The following DNAH9 variants were observed in gnomAD, a reference collection of about 807,000 sequenced individuals.
DNAH9 encodes the protein DNAH9 variant protein.
DNAH9 carries 345 observed loss-of-function variants against 471.6 expected under a neutral mutation model. The ratio of observed to expected loss-of-function variants is 0.73; its 90% CI spans 0.67 to 0.80. The LOEUF is 0.80. Among genes scored for constraint, DNAH9 ranks in the 30% least tolerant of loss-of-function variants. DNAH9 has a pLI of 0.00. For synonymous variants in DNAH9, 2,093 were observed against 2,123.6 expected (o/e 0.99, Z 0.40); for missense variants, 5,407 against 5,609.2 (o/e 0.96, Z 1.15).
chr17:11,915,318 G>A (rs890556390), intron 61 of DNAH9, among the ~76,000 whole-genome samples: 1 of 152,132 alleles, frequency 6.6e-6, no homozygotes, highest in African/African-American at 2.4e-5. Flanking sequence ...AAGGTCAAGA[G>A]ATCGATACCA....
At chr17:11,951,337 G>A (rs1351329089) in intron 67 of DNAH9, among the ~76,000 whole-genome samples, 1 of 152,180 alleles carries the variant, frequency 6.6e-6, no homozygotes, top group Admixed American at 6.5e-5. Context: ...TGGCAAGCAA[G>A]TAGTGCTATT....
rs536475506 is a variant in DNAH9, at chr17:11,689,433, G to GT, written c.3744-128dup. 47 of 744,078 alleles carry GT rather than the reference G, an allele frequency of 6.3e-5. No homozygotes were observed. In the African/African-American group the frequency reaches 7.2e-4, roughly 11 times the overall value. 46.1% of individuals were successfully genotyped at this position (744,078 alleles called of 1,614,324 possible). On this transcript the variant is annotated intron_variant, in intron 19 of 68. Transcript: ENST00000262442. ...CATTATTTGCTTTCGTGAAAAGAATGTTTTTGGTGAAAGCCACTGCTCTTT... is the reference window on the plus strand; with the variant it reads ...CATTATTTGCTTTCGTGAAAAGAATGTTTTTTGGTGAAAGCCACTGCTCTTT...
At chr17:11,611,572 G>A (rs2072637581) in intron 3 of DNAH9, 78 bp from the exon 4 acceptor site, 2 of 1,428,570 alleles carry the variant, frequency 1.4e-6, no homozygotes, top group Non-Finnish European at 9.7e-7. Flanking sequence ...CTCTCTTTCT[G>A]TGTGACGATG....
intron 4 of DNAH9, among the ~76,000 whole-genome samples, chr17:11,613,458 A>G (rs201296561): frequency 6.6e-6 from 1 of 152,152 alleles, no homozygotes; most frequent in Admixed American, 6.5e-5. Context: ...CATCTCTACT[A>G]AAAATACAAA....
At chr17:11,891,998 A>G (rs1302265606) in intron 58 of DNAH9, 51 bp downstream of exon 58, 1 of 1,594,748 alleles carries the variant, frequency 6.3e-7, no homozygotes, top group East Asian at 2.2e-5. Flanking sequence ...TTTAGTGCCC[A>G]GACAGCAGGT....
intron 12 of DNAH9, among the ~76,000 whole-genome samples, chr17:11,648,689 GA>G (rs1209022784): frequency 6.6e-6 from 1 of 151,674 alleles, no homozygotes; most frequent in Admixed American, 6.6e-5. Flanking sequence ...GAGGAAAGAA[GA>G]AAAAGGGGGG....
At chr17:11,908,602 T>C (rs1973685042) in intron 61 of DNAH9, among the ~76,000 whole-genome samples, 1 of 152,220 alleles carries the variant, frequency 6.6e-6, no homozygotes, top group African/African-American at 2.4e-5. Context: ...CAGTCGATAT[T>C]GCAAACCATA....
intron 12 of DNAH9, among the ~76,000 whole-genome samples, chr17:11,650,216 T>A (rs1175370946): frequency 6.6e-6 from 1 of 152,134 alleles, no homozygotes; most frequent in Non-Finnish European, 1.5e-5. Flanking sequence ...CCCAGAGTAC[T>A]GGAAGGAGAG....
In DNAH9 at chr17:11,598,636, C is replaced by G. The variant is rs2072311397; in HGVS notation, c.138C>G (p.Cys46Trp). Residue 46 changes from cysteine to tryptophan, a missense_variant, in exon 1 of 69, where the codon TGC becomes TGG. Physicochemically the swap from Cys to Trp is radical, Grantham distance 215 (BLOSUM62 -2). This residue lies in a region of DNAH9 where 767 missense variants were observed against 692.5 expected (regional missense o/e 1.11). Transcript: ENST00000262442. The stretch of plus-strand genomic sequence containing the variant: ...CGGCTGCGGGCGCCTGGGAGCGTTG[C>G]GCGGGGAGTGCTGAGGCGGAGCAGC... ...LRPAAGAWERCAGSAEAEQLL... is the reference protein window; with the variant it reads ...LRPAAGAWERWAGSAEAEQLL... 1 of 1,343,744 alleles carries G rather than the reference C, an allele frequency of 7.4e-7. No individual in the cohort carries two copies. The highest frequency in any genetic ancestry group is 1.5e-5 in the African/African-American group (1 of 65,080). The allele number at this position is 1,343,744 out of a possible 1,614,324, so 83.2% of individuals were successfully genotyped here. A position where few individuals can be genotyped will look rare whatever the true frequency, so the allele number is the denominator to read the frequency against.
At chr17:11,672,613 C>T (rs1221862140) in intron 17 of DNAH9, among the ~76,000 whole-genome samples, 3 of 152,166 alleles carry the variant, frequency 2.0e-5, no homozygotes, top group African/African-American at 7.2e-5. Flanking sequence ...CAGATCTTAG[C>T]GTCTGGCTCA....
Position 11,731,596 on chromosome 17 carries a change from A to G in DNAH9, c.5814+3674A>G, listed in dbSNP as rs113606268. ...CCCAGTGTGTGATGTTCCCCTTCCTATGTCCATGTGTTCTCTTTGTTCAAT... is the reference window on the plus strand; with the variant it reads ...CCCAGTGTGTGATGTTCCCCTTCCTGTGTCCATGTGTTCTCTTTGTTCAAT... On this transcript the variant is annotated intron_variant, in intron 28 of 68. Transcript: ENST00000262442. 7.9e-3 allele frequency among the ~76,000 whole-genome samples: 982 copies of G among 124,968 alleles called. 10 individuals are homozygous for G. Among genetic ancestry groups the G allele is most frequent in the African/African-American group, 0.026 (872 of 33,196 alleles). The allele number at this position is 124,968 out of a possible 152,430, so 82.0% of individuals were successfully genotyped here.
intron 61 of DNAH9, among the ~76,000 whole-genome samples, chr17:11,908,800 T>A (rs1300562077): frequency 6.6e-6 from 1 of 151,898 alleles, no homozygotes; most frequent in East Asian, 1.9e-4. Flanking sequence ...CAAGGAAGAG[T>A]CTTTGATGTG....
intron 14 of DNAH9, among the ~76,000 whole-genome samples, chr17:11,663,001 C>T (rs1480478335): frequency 2.6e-5 from 4 of 151,562 alleles, no homozygotes; most frequent in East Asian, 2.0e-4. Context: ...GTGATCCGCC[C>T]GCCTCGGCCT....
chr17:11,846,942 G>A (rs929136837), intron 49 of DNAH9, among the ~76,000 whole-genome samples: 3 of 148,682 alleles, frequency 2.0e-5, no homozygotes, highest in East Asian at 2.0e-4. Flanking sequence ...CAATCATGTC[G>A]TCTGCAAACA....
chr17:11,925,096 T>G (rs962454735), intron 62 of DNAH9: 1 of 431,270 alleles, frequency 2.3e-6, no homozygotes, highest in South Asian at 1.7e-5. Flanking sequence ...AATCTTCTAT[T>G]AGAGCTCCAT....
intron 1 of DNAH9, among the ~76,000 whole-genome samples, chr17:11,601,415 CA>C (rs1308258759): frequency 2.0e-5 from 3 of 152,098 alleles, no homozygotes. Flanking sequence ...CAGTAATCCA[CA>C]AGAAGGAGAA....
Position 11,969,547 on chromosome 17 carries a change from GAAA to G in DNAH9, c.*22_*24del. 1 of 1,582,098 alleles carries G rather than the reference GAAA, an allele frequency of 6.3e-7. No homozygotes were observed. Among genetic ancestry groups the G allele is most frequent in the Non-Finnish European group, 8.6e-7 (1 of 1,169,006 alleles). On this transcript the variant is annotated 3_prime_UTR_variant, in exon 69 of 69. Transcript: ENST00000262442. The stretch of plus-strand genomic sequence containing the variant: ...ATTTAGCATCCTGCAGAGCCACCGA[GAAA>G]ATAAAAAAGCTGGGCTTGGAGGCTG...
chr17:11,820,330 G>A (rs1278954971), intron 45 of DNAH9, among the ~76,000 whole-genome samples: 2 of 151,856 alleles, frequency 1.3e-5, no homozygotes, highest in Non-Finnish European at 2.9e-5. Context: ...CAGGGAGATT[G>A]AGCATTTAAT....
chr17:11,839,526 AAAAG>A (rs1480293849), intron 49 of DNAH9, among the ~76,000 whole-genome samples: 5 of 152,006 alleles, frequency 3.3e-5, no homozygotes, highest in Admixed American at 6.6e-5. Context: ...AAAAAAAAAA[AAAAG>A]AAAATAACTC....
Sources: gnomAD v4.1 joint callset for allele counts (sites outside exome capture counted in the v4.1 genomes callset) on GRCh38, gnomAD v4.1.1 for gene constraint, gnomAD v4.1.1 regional missense constraint, MANE v1.5 for transcripts, NCBI Gene and HGNC (gene_info 2026-07-23, HGNC 2026-07-21) for gene names.